NQO1: variants seen among roughly 807,000 people sequenced by gnomAD.
NQO1 encodes NAD(P)H dehydrogenase [quinone] 1.
A neutral mutation model predicts 32.1 loss-of-function variants in NQO1; 30 were observed. The observed-to-expected ratio is 0.94, with a 90% confidence interval of 0.70 to 1.27. The LOEUF is 1.27. Among genes scored for constraint, NQO1 ranks in the 50% most tolerant of loss-of-function variants. The pLI is 0.00. For synonymous variants in NQO1, 109 were observed against 119.7 expected, an observed-to-expected ratio of 0.91 and a Z score of 0.59; for missense variants, 276 against 331.3, an observed-to-expected ratio of 0.83 and a Z score of 1.30.
At chr16:69,722,271 C>T (rs1197550669) in intron 1 of NQO1, among the ~76,000 whole-genome samples, 1 of 152,136 alleles carries the variant, frequency 6.6e-6, no homozygotes, top group African/African-American at 2.4e-5. Context: ...TCAAGCGATT[C>T]TCCTTCCTCA....
intron 1 of NQO1, among the ~76,000 whole-genome samples, chr16:69,725,912 T>G (rs188443366): frequency 1.1e-4 from 16 of 151,928 alleles, no homozygotes; most frequent in African/African-American, 3.6e-4. Context: ...ACAAAACCTG[T>G]GCCTGGCAGC....
intron 1 of NQO1, among the ~76,000 whole-genome samples, chr16:69,719,737 C>T (rs2038164735): frequency 6.6e-6 from 1 of 152,076 alleles, no homozygotes; most frequent in African/African-American, 2.4e-5. Context: ...CTTGCCACTG[C>T]ACTCCAGCCT....
chr16:69,715,499 G>C (rs376215976), intron 3 of NQO1, among the ~76,000 whole-genome samples: 1 of 152,256 alleles, frequency 6.6e-6, no homozygotes, highest in Non-Finnish European at 1.5e-5. Flanking sequence ...CAGGCGCAGT[G>C]GCTCAAGCCT....
chr16:69,718,379 C>A lies in NQO1; in HGVS notation c.163G>T (p.Asp55Tyr). The change falls in exon 2 of 6, where the codon GAC becomes TAC. Residue 55 changes from aspartate to tyrosine, a missense_variant. Transcript: ENST00000320623. ...MNFNPIISRK[D>Y]ITGKLKDPAN... The stretch of plus-strand genomic sequence containing the variant: ...GAGGAACTCCTCCTACCTGTGATGT[C>A]CTTTCTGGAAATGATGGGATTGAAG... 6.2e-7 allele frequency: 1 copy of A among 1,614,186 alleles called. No individual in the cohort carries two copies. The highest frequency in any genetic ancestry group is 8.5e-7 in the Non-Finnish European group (1 of 1,180,036).
Position 69,718,052 on chromosome 16 carries a change from C to T in NQO1, c.303+71G>A, listed in dbSNP as rs1257448143. 29 of 1,582,094 alleles carry T rather than the reference C, an allele frequency of 1.8e-5. No homozygotes were observed. The Admixed American group carries it at 2.2e-4, about 12-fold the overall frequency. On this transcript the variant is annotated intron_variant, in intron 3 of 5. Transcript: ENST00000320623. ...TGGGTAACTGTTTAAGATCTCATAG[C>T]TAATTAGGTACATGTCTAGGACAAT...
chr16:69,722,218 C>A (rs1338087494), intron 1 of NQO1, among the ~76,000 whole-genome samples: 1 of 152,078 alleles, frequency 6.6e-6, no homozygotes, highest in African/African-American at 2.4e-5. Context: ...GGCTGGAGTG[C>A]AGTGGCGCCA....
intron 1 of NQO1, among the ~76,000 whole-genome samples, chr16:69,723,625 C>T (rs1214155373): frequency 6.6e-6 from 1 of 151,658 alleles, no homozygotes; most frequent in Non-Finnish European, 1.5e-5. Flanking sequence ...TGGTGAAACC[C>T]CGTCTCTACT....
chr16:69,719,594 T>C (rs1233290590), intron 1 of NQO1, among the ~76,000 whole-genome samples: 1 of 151,274 alleles, frequency 6.6e-6, no homozygotes, highest in African/African-American at 2.4e-5. Context: ...GCCAACATGG[T>C]GAAACCCTGT....
intron 3 of NQO1, among the ~76,000 whole-genome samples, chr16:69,717,769 C>T (rs968904670): frequency 9.2e-5 from 14 of 152,098 alleles, no homozygotes; most frequent in South Asian, 6.2e-4. Flanking sequence ...CATGCCACCA[C>T]GCCCAGCTAA....
At chr16:69,726,216 C>T (rs1488176294) in intron 1 of NQO1, among the ~76,000 whole-genome samples, 1 of 152,128 alleles carries the variant, frequency 6.6e-6, no homozygotes, top group South Asian at 2.1e-4. Context: ...CACTAGAGTT[C>T]GTGGGGTGGA....
intron 5 of NQO1, among the ~76,000 whole-genome samples, chr16:69,712,668 C>A (rs2038056441): frequency 6.6e-6 from 1 of 152,156 alleles, no homozygotes; most frequent in African/African-American, 2.4e-5. Context: ...GTTTTGAACC[C>A]CACGAAGGCT....
intron 1 of NQO1, among the ~76,000 whole-genome samples, chr16:69,725,878 CAAAACA>C (rs1204629567): frequency 1.3e-3 from 1 of 752 alleles, no homozygotes; most frequent in Non-Finnish European, 5.0e-3. Context: ...CCGTCTCAAA[CAAAACA>C]AAACAAAACA....
At chr16:69,726,315 TC>T (rs2151748778) in intron 1 of NQO1, 117 bp downstream of exon 1, 4 of 1,415,098 alleles carry the variant, frequency 2.8e-6, no homozygotes, top group South Asian at 1.3e-5. Flanking sequence ...CCTAATCTCT[TC>T]CCTTTGTGGG....
intron 1 of NQO1, among the ~76,000 whole-genome samples, chr16:69,724,116 C>A (rs1301443857): frequency 6.6e-6 from 1 of 151,866 alleles, no homozygotes; most frequent in African/African-American, 2.4e-5. Context: ...GAGCTAGAGA[C>A]CAGCCTGGCC....
In NQO1 at chr16:69,717,541, C is replaced by CTAAG. The variant is rs373642569; in HGVS notation, c.303+578_303+581dup. Among the ~76,000 whole-genome samples, 51 of 151,414 alleles carry CTAAG rather than the reference C, an allele frequency of 3.4e-4. 1 individual carries two copies. The highest frequency in any genetic ancestry group is 9.9e-4 in the African/African-American group (41 of 41,276). On this transcript the variant is annotated intron_variant, in intron 3 of 5. Coordinates refer to ENST00000320623, the MANE Select transcript of NQO1 (RefSeq NM_000903.3). Reference sequence around the variant, plus strand: ...AAGGAATCGCTAACTGAAGGGGAGACTAAGTACCTGGAAGAAAGCAAGCTC... The same window carrying CTAAG: ...AAGGAATCGCTAACTGAAGGGGAGACTAAGTAAGTACCTGGAAGAAAGCAAGCTC...
At chr16:69,719,011 G>A (rs1025322467) in intron 1 of NQO1, among the ~76,000 whole-genome samples, 3 of 139,838 alleles carry the variant, frequency 2.1e-5, no homozygotes, top group Admixed American at 7.7e-5. Flanking sequence ...CTCCAGCCTG[G>A]GTGACAATGG....
At position 69,715,024 on chromosome 16, in the gene NQO1, T is replaced by G. The variant is rs375107082; in HGVS notation, c.357A>C (p.Arg119=). The part of the protein sequence containing the change: ...VPAILKGWFE[R]VFIGEFAYTY... ...TGTAAGCAAACTCTCCTATGAACAC[T>G]CGCTCAAACCAGCCTTTCAGAATGG... is the stretch of plus-strand genomic sequence containing the variant. The change falls in exon 4 of 6, where the codon CGA becomes CGC. Residue 119 remains arginine, a synonymous_variant. Transcript: ENST00000320623. 2.3e-5 allele frequency: 37 copies of G among 1,605,470 alleles called. No homozygotes were observed. The East Asian group carries it at 5.6e-4, about 24-fold the overall frequency.
chr16:69,726,218 T>TG (rs372418642), intron 1 of NQO1, among the ~76,000 whole-genome samples: 6 of 152,046 alleles, frequency 3.9e-5, no homozygotes, highest in Non-Finnish European at 8.8e-5. Context: ...CTAGAGTTCG[T>TG]GGGGTGGAGT....
chr16:69,719,578 A>G (rs1442660905), intron 1 of NQO1, among the ~76,000 whole-genome samples: 1 of 151,578 alleles, frequency 6.6e-6, no homozygotes, highest in Non-Finnish European at 1.5e-5. Flanking sequence ...GATCAAGACC[A>G]TCCTGGCCAA....
Sources: allele counts gnomAD v4.1 joint callset (sites outside exome capture counted in the v4.1 genomes callset), GRCh38; gene constraint gnomAD v4.1.1; transcripts MANE v1.5; gene names NCBI Gene and HGNC (gene_info 2026-07-23, HGNC 2026-07-21).